Variants in COG6 observed in about 807,000 individuals in gnomAD.
The protein encoded by COG6 is conserved oligomeric Golgi complex subunit 6.
Under a neutral mutation model 88.8 loss-of-function variants are expected in COG6, and 74 were observed. That is an observed-to-expected ratio of 0.83 (90% CI 0.69 to 1.01). COG6 has a LOEUF of 1.01. COG6 is among the 50% of genes least tolerant of loss of function. The pLI is 0.00. For missense variants in COG6, 800 were observed against 797.9 expected, an observed-to-expected ratio of 1.00 and a Z score of -0.03; for synonymous variants, 286 against 278.7, an observed-to-expected ratio of 1.03 and a Z score of -0.26.
chr13:39,720,255 G>A (rs539067607), intron 15 of COG6, among the ~76,000 whole-genome samples: 1 of 152,166 alleles, frequency 6.6e-6, no homozygotes, highest in Non-Finnish European at 1.5e-5. Flanking sequence ...TTATCTATGT[G>A]TAAACCAGTG....
chr13:39,735,346 A>G (rs988186185), intron 18 of COG6, among the ~76,000 whole-genome samples: 1 of 152,160 alleles, frequency 6.6e-6, no homozygotes, highest in Non-Finnish European at 1.5e-5. Context: ...CAACAACTTA[A>G]CATTGATTGT....
intron 14 of COG6, 104 bp downstream of exon 14, chr13:39,719,471 T>G: frequency 8.0e-7 from 1 of 1,244,194 alleles, no homozygotes; most frequent in Admixed American, 2.0e-5. Flanking sequence ...AGTCTCTTTC[T>G]TACTGTTAAT....
At chr13:39,720,953 T>C (rs537415472) in intron 15 of COG6, among the ~76,000 whole-genome samples, 3 of 152,208 alleles carry the variant, frequency 2.0e-5, no homozygotes, top group East Asian at 3.9e-4. Context: ...AAATTTTGGT[T>C]AGATCAATGT....
intron 11 of COG6, 107 bp from the exon 12 acceptor site, chr13:39,694,525 CTG>C: frequency 1.5e-6 from 1 of 658,110 alleles, no homozygotes; most frequent in Non-Finnish European, 2.7e-6. Flanking sequence ...TTTGTGATCT[CTG>C]CAGTAATAAA....
At chr13:39,748,522 G>A (rs1469213475) in intron 18 of COG6, among the ~76,000 whole-genome samples, 4 of 152,132 alleles carry the variant, frequency 2.6e-5, no homozygotes, top group East Asian at 3.9e-4. Flanking sequence ...GGCTGAGGCA[G>A]GAGAATCACT....
intron 18 of COG6, among the ~76,000 whole-genome samples, chr13:39,741,546 T>C (rs141505436): frequency 0.016 from 2,408 of 151,058 alleles, 61 homozygotes; most frequent in African/African-American, 0.056. Flanking sequence ...AGAAGAGAAG[T>C]TTAGAGAAAA....
chr13:39,655,660 A>C (rs548475910), upstream of COG6: 11 of 1,531,904 alleles, frequency 7.2e-6, no homozygotes, highest in Non-Finnish European at 9.7e-6. Flanking sequence ...CACATGCGCA[A>C]TACTCGCGCT....
At chr13:39,733,499 A>C (rs1332410171) in intron 18 of COG6, among the ~76,000 whole-genome samples, 2 of 151,998 alleles carry the variant, frequency 1.3e-5, no homozygotes, top group African/African-American at 2.4e-5. Flanking sequence ...AAAAAGGAAG[A>C]ATTCTTTAAA....
intron 18 of COG6, among the ~76,000 whole-genome samples, chr13:39,776,030 A>T (rs576218451): frequency 6.6e-6 from 1 of 152,204 alleles, no homozygotes; most frequent in South Asian, 2.1e-4. Context: ...TGGTCTCCCA[A>T]AGTGCTGGGA....
rs540600821 is a variant in COG6 at position 39,687,635 on chromosome 13, T to C, written c.917+4T>C. Reference sequence around the variant, plus strand: ...TGCATTCTCATGACCCTTTGAGGTATAGTAATCAGACAGCAGAAGAGGAGT... The same window carrying C: ...TGCATTCTCATGACCCTTTGAGGTACAGTAATCAGACAGCAGAAGAGGAGT... On this transcript the variant is annotated splice_donor_region_variant and intron_variant, in intron 9 of 18. Coordinates refer to ENST00000455146, the MANE Select transcript of COG6 (RefSeq NM_020751.3). 23 of 1,613,974 alleles carry C rather than the reference T, an allele frequency of 1.4e-5. No homozygotes were observed. In the South Asian group the frequency reaches 2.1e-4, roughly 15 times the overall value.
intron 18 of COG6, among the ~76,000 whole-genome samples, chr13:39,728,661 GT>G (rs1879269386): frequency 6.6e-6 from 1 of 151,352 alleles, no homozygotes; most frequent in Non-Finnish European, 1.5e-5. Context: ...GACTCAGGTT[GT>G]TTGTAGGTGC....
At chr13:39,788,730 A>G (rs1241011219) in exon 19 of COG6, 2 of 183,040 alleles carry the variant, frequency 1.1e-5, no homozygotes, top group African/African-American at 4.7e-5. Flanking sequence ...TTACTTTCTA[A>G]ATAACTTTAG....
intron 8 of COG6, among the ~76,000 whole-genome samples, chr13:39,686,091 A>C (rs928556927): frequency 2.0e-5 from 3 of 152,220 alleles, no homozygotes; most frequent in African/African-American, 4.8e-5. Context: ...AATTAACAGC[A>C]TATGAAAGAA....
Position 39,752,391 on chromosome 13 carries a change from G to T in COG6, c.*1298G>T, listed in dbSNP as rs1277204378. ...ATACAGTTCTTTTTGGAGTAAGAATGATTATATAATCGTTATCCATTTGGG... is the reference window on the plus strand; with the variant it reads ...ATACAGTTCTTTTTGGAGTAAGAATTATTATATAATCGTTATCCATTTGGG... On this transcript the variant is annotated 3_prime_UTR_variant, in exon 19 of 19. Transcript: ENST00000455146. 2.4e-5 allele frequency: 24 copies of T among 996,132 alleles called. No homozygotes were observed. The highest frequency in any genetic ancestry group is 6.0e-5 in the Admixed American group (2 of 33,406). 61.7% of individuals were successfully genotyped at this position (996,132 alleles called of 1,614,324 possible).
intron 15 of COG6, among the ~76,000 whole-genome samples, chr13:39,720,734 A>G (rs1373316084): frequency 2.0e-5 from 3 of 151,998 alleles, no homozygotes; most frequent in African/African-American, 7.2e-5. Context: ...TGGTATTTAT[A>G]TTTGTAATTC....
chr13:39,696,171 A>ATTGT (rs5803007), intron 12 of COG6, among the ~76,000 whole-genome samples: 151,332 of 151,890 alleles, frequency 1, 75,391 homozygotes, highest in Middle Eastern at 1. Flanking sequence ...TTTTTTATTG[A>ATTGT]TTGCATGTAC....
chr13:39,690,571 T>G (rs1260706106), intron 11 of COG6, among the ~76,000 whole-genome samples: 1 of 152,048 alleles, frequency 6.6e-6, no homozygotes, highest in African/African-American at 2.4e-5. Flanking sequence ...CTTCATTGAT[T>G]GACTTTAATT....
chr13:39,768,785 C>T (rs2138174108), intron 18 of COG6, among the ~76,000 whole-genome samples: 1 of 152,110 alleles, frequency 6.6e-6, no homozygotes, highest in South Asian at 2.1e-4. Context: ...ATAGACTTCA[C>T]TACTCAACTC....
intron 13 of COG6, among the ~76,000 whole-genome samples, chr13:39,707,071 A>G (rs1303466480): frequency 2.0e-5 from 3 of 152,150 alleles, no homozygotes; most frequent in Non-Finnish European, 4.4e-5. Flanking sequence ...GTATTTAATA[A>G]TAATGACTTG....
Sources: gnomAD v4.1 joint callset for allele counts (sites outside exome capture counted in the v4.1 genomes callset) on GRCh38, gnomAD v4.1.1 for gene constraint, MANE v1.5 for transcripts, NCBI Gene and HGNC (gene_info 2026-07-23, HGNC 2026-07-21) for gene names.